Variants in SRRM4 observed in about 807,000 individuals in gnomAD.
SRRM4 encodes serine/arginine repetitive matrix protein 4.
SRRM4 carries 33 observed loss-of-function variants against 68.9 expected under a neutral mutation model. The ratio of observed to expected loss-of-function variants is 0.48; its 90% CI spans 0.36 to 0.64. The LOEUF (loss-of-function observed/expected upper bound fraction) is 0.64. Ranked by LOEUF, SRRM4 falls within the 30% of genes least tolerant of loss-of-function variation. SRRM4 has a pLI of 0.00. For synonymous variants in SRRM4, 318 were observed against 318.8 expected (o/e 1.00, Z 0.03); for missense variants, 817 against 827.1 (o/e 0.99, Z 0.15).
Position 119,112,977 on chromosome 12 carries a change from T to TA in SRRM4, c.279-1292dup, listed in dbSNP as rs201582668. On this transcript the variant is annotated intron_variant, in intron 2 of 12. Transcript: ENST00000267260. ...GAATGTACAAATTTAAAATTAAAATTAAAAAAAAACAGCACATCAAAAGTT... is the reference window on the plus strand; with the variant it reads ...GAATGTACAAATTTAAAATTAAAATTAAAAAAAAAACAGCACATCAAAAGTT... Among the ~76,000 whole-genome samples the TA allele has an allele frequency of 9.3e-3, 1,399 of 150,180 alleles. 16 individuals carry two copies. Among genetic ancestry groups the TA allele is most frequent in the Middle Eastern group, 0.017 (5 of 290 alleles).
chr12:119,045,254 A>G (rs1953698069), intron 1 of SRRM4, among the ~76,000 whole-genome samples: 1 of 152,084 alleles, frequency 6.6e-6, no homozygotes, highest in East Asian at 1.9e-4. Context: ...CTGTTCAGAA[A>G]TCTTTCCACA....
At chr12:119,013,244 T>C (rs1209962505) in intron 1 of SRRM4, among the ~76,000 whole-genome samples, 1 of 137,360 alleles carries the variant, frequency 7.3e-6, no homozygotes, top group African/African-American at 2.7e-5. Flanking sequence ...AACAAATCTG[T>C]AGCATTTCCA....
chr12:119,015,248 A>G (rs1351731648), intron 1 of SRRM4, among the ~76,000 whole-genome samples: 1 of 152,222 alleles, frequency 6.6e-6, no homozygotes, highest in Non-Finnish European at 1.5e-5. Context: ...TTATAAATAA[A>G]GCCAGAATCC....
At chr12:119,156,459 G>A (rs745528046) in intron 12 of SRRM4, 36 bp from the exon 13 acceptor site, 4 of 1,547,878 alleles carry the variant, frequency 2.6e-6, no homozygotes, top group Non-Finnish European at 3.5e-6. Flanking sequence ...GCACGGAGGG[G>A]CCGGCCCTCA....
chr12:119,066,321 A>T (rs1348925760), intron 1 of SRRM4, among the ~76,000 whole-genome samples: 1 of 152,228 alleles, frequency 6.6e-6, no homozygotes, highest in Non-Finnish European at 1.5e-5. Flanking sequence ...CCATTTATAG[A>T]TGGAAAGAAA....
intron 1 of SRRM4, among the ~76,000 whole-genome samples, chr12:119,078,852 C>T (rs570250811): frequency 6.6e-6 from 1 of 152,238 alleles, no homozygotes; most frequent in East Asian, 1.9e-4. Flanking sequence ...ATCACTCAAG[C>T]CCAGGAATTT....
rs141163888 is a variant in SRRM4 at position 119,043,708 on chromosome 12, G to A, written c.132-58528G>A. ...GGACAAAGAAAAAAGAAAGGGCATG[G>A]GGAGAGAAGAAAAGGGCGTAGGGGA... On this transcript the variant is annotated intron_variant, in intron 1 of 12. Coordinates refer to ENST00000267260, the MANE Select transcript of SRRM4 (RefSeq NM_194286.4). Among the ~76,000 whole-genome samples the A allele has an allele frequency of 8.3e-3, 1,260 of 151,382 alleles. 19 individuals are homozygous for A. The highest frequency in any genetic ancestry group is 0.029 in the African/African-American group (1,191 of 41,232).
chr12:119,137,033 C>A lies in SRRM4; in HGVS notation c.771+6199C>A, dbSNP rs1436451826. On this transcript the variant is annotated intron_variant, in intron 8 of 12. Coordinates refer to ENST00000267260, the MANE Select transcript of SRRM4 (RefSeq NM_194286.4). ...ATGAATCCATTCTTTTGCTGTCTTC[C>A]TAATTAGTGCACTAAGGAAGATGAA... is the stretch of plus-strand genomic sequence containing the variant. Among the ~76,000 whole-genome samples, 6 of 151,974 alleles carry A rather than the reference C, an allele frequency of 3.9e-5. No individual in the cohort carries two copies. The East Asian group carries it at 1.2e-3, about 29-fold the overall frequency.
At chr12:119,012,210 A>G (rs1329417016) in intron 1 of SRRM4, among the ~76,000 whole-genome samples, 2 of 152,192 alleles carry the variant, frequency 1.3e-5, no homozygotes, top group Non-Finnish European at 2.9e-5. Context: ...CCATTCATTC[A>G]TTCGTGCAGC....
intron 1 of SRRM4, among the ~76,000 whole-genome samples, chr12:119,049,835 C>T (rs1953731100): frequency 6.6e-6 from 1 of 152,180 alleles, no homozygotes; most frequent in Non-Finnish European, 1.5e-5. Context: ...TTATACATAT[C>T]TGTGTCCTAA....
chr12:118,981,888 G>T lies in SRRM4; in HGVS notation c.6G>T (p.Ala2=), dbSNP rs1307085686. Residue 2 remains alanine (A), a synonymous_variant, in exon 1 of 13, where the codon GCG becomes GCT. Transcript: ENST00000267260. M[A]SVQQGEKQLF... Reference sequence around the variant, plus strand: ...CCGGCCCCTTTGGGTTGGCGATGGCGAGCGTTCAGCAAGGCGAGAAGCAGC... The same window carrying T: ...CCGGCCCCTTTGGGTTGGCGATGGCTAGCGTTCAGCAAGGCGAGAAGCAGC... 6.2e-7 allele frequency: 1 copy of T among 1,613,542 alleles called. No homozygotes were observed. The highest frequency in any genetic ancestry group is 1.1e-5 in the South Asian group (1 of 90,936).
chr12:119,156,562 T>G lies in SRRM4; in HGVS notation c.1600T>G (p.Ser534Ala). Reference sequence around the variant, plus strand: ...CTCATCCGGCAGCCTCAGCAGCACCTCCTCCTGGTACAGCAGCAGCAGTAG... The same window carrying G: ...CTCATCCGGCAGCCTCAGCAGCACCGCCTCCTGGTACAGCAGCAGCAGTAG... ...PSSSGSLSST[S>A]SWYSSSSSRS... The change falls in exon 13 of 13, where the codon TCC becomes GCC. Residue 534 changes from serine to alanine, a missense_variant. Coordinates refer to ENST00000267260, the MANE Select transcript of SRRM4 (RefSeq NM_194286.4). 6.2e-7 allele frequency: 1 copy of G among 1,611,486 alleles called. No homozygotes were observed. Among genetic ancestry groups the G allele is most frequent in the Non-Finnish European group, 8.5e-7 (1 of 1,179,688 alleles).
At chr12:119,106,235 G>A (rs1168511854) in intron 2 of SRRM4, among the ~76,000 whole-genome samples, 2 of 152,100 alleles carry the variant, frequency 1.3e-5, no homozygotes, top group Non-Finnish European at 2.9e-5. Context: ...TTTGAAGTCA[G>A]GTAGCGTGAT....
chr12:118,989,090 C>T (rs996815782), intron 1 of SRRM4, among the ~76,000 whole-genome samples: 1 of 151,970 alleles, frequency 6.6e-6, no homozygotes, highest in African/African-American at 2.4e-5. Flanking sequence ...TCAAGTGGGG[C>T]CTTGTAAGCC....
rs1425755109 is a variant in SRRM4, at chr12:119,154,177, C to G, written c.1392-66C>G. The G allele has an allele frequency of 5.5e-6, 8 of 1,457,242 alleles. No individual in the cohort carries two copies. The African/African-American group carries it at 1.1e-4, about 20-fold the overall frequency. The allele number at this position is 1,457,242 out of a possible 1,614,324, so 90.3% of individuals were successfully genotyped here. The stretch of plus-strand genomic sequence containing the variant: ...TGGGAAAGAAAGGGAGTGTCCCTCT[C>G]CCACGCGCTCACGCAGAAAATCCAG... On this transcript the variant is annotated intron_variant, in intron 11 of 12. Transcript: ENST00000267260. The surrounding 1 kb of genome is among the most constrained non-coding windows in gnomAD (Gnocchi z 4.7).
At chr12:119,070,850 A>G (rs1953873673) in intron 1 of SRRM4, among the ~76,000 whole-genome samples, 1 of 152,202 alleles carries the variant, frequency 6.6e-6, no homozygotes, top group South Asian at 2.1e-4. Context: ...AGCAGACTTC[A>G]TGGTGAGGGT....
At chr12:119,023,809 A>G (rs1343095098) in intron 1 of SRRM4, among the ~76,000 whole-genome samples, 1 of 152,030 alleles carries the variant, frequency 6.6e-6, no homozygotes, top group African/African-American at 2.4e-5. Context: ...CTTTGTCTTC[A>G]TTGTTTCAGA....
At position 119,093,225 on chromosome 12, in the gene SRRM4, G is replaced by A. The variant is rs372752637; in HGVS notation, c.132-9011G>A. 2.0e-3 allele frequency among the ~76,000 whole-genome samples: 311 copies of A among 152,262 alleles called. 2 individuals are homozygous for A. Among genetic ancestry groups the A allele is most frequent in the African/African-American group, 7.3e-3 (302 of 41,552 alleles). On this transcript the variant is annotated intron_variant, in intron 1 of 12. Transcript: ENST00000267260. ...TCTCTTCCTACCTCCACCCATTGCA[G>A]TACAATGTGAGCTCCACCAAGCAAG...
chr12:119,145,949 T>A (rs1404203035), intron 9 of SRRM4, among the ~76,000 whole-genome samples: 2 of 152,202 alleles, frequency 1.3e-5, no homozygotes, highest in Non-Finnish European at 2.9e-5. Context: ...ACTGGCCTTA[T>A]TCTCAAGCAG....
Sources: allele counts gnomAD v4.1 joint callset (sites outside exome capture counted in the v4.1 genomes callset), GRCh38; gene constraint gnomAD v4.1.1; non-coding constraint Gnocchi (gnomAD v3.1); transcripts MANE v1.5; gene names NCBI Gene and HGNC (gene_info 2026-07-23, HGNC 2026-07-21).